ABCE1: variants seen among roughly 807,000 people sequenced by gnomAD.
The protein encoded by ABCE1 is ATP-binding cassette sub-family E member 1.
ABCE1 carries 22 observed loss-of-function variants against 83.4 expected under a neutral mutation model. That is an observed-to-expected ratio of 0.26 (90% confidence interval 0.19 to 0.38). The LOEUF is 0.38. Among genes scored for constraint, ABCE1 ranks in the 10% least tolerant of loss-of-function variants. The probability of loss-of-function intolerance (pLI) is 1.00; values close to 1 mark genes in which losing one functional copy is unlikely to be tolerated. For missense variants in ABCE1, 330 were observed against 721.9 expected (o/e 0.46, Z 6.22); for synonymous variants, 204 against 233.7 (o/e 0.87, Z 1.16).
Position 145,108,166 on chromosome 4 carries a change from T to G in ABCE1, c.287+54T>G. On this transcript the variant is annotated intron_variant, in intron 4 of 17. Coordinates refer to ENST00000296577, the MANE Select transcript of ABCE1 (RefSeq NM_002940.3). The stretch of plus-strand genomic sequence containing the variant: ...TGTCAAGTTAAGAGTAAAATACATT[T>G]GGGATTTTAAGAGAAGTGCAGAAAT... 8.5e-6 allele frequency: 13 copies of G among 1,521,942 alleles called. No homozygotes were observed. In the South Asian group the frequency reaches 1.3e-4, roughly 15 times the overall value. The allele number at this position is 1,521,942 out of a possible 1,614,324, so 94.3% of individuals were successfully genotyped here.
chr4:145,118,462 A>C (rs1046297734), intron 10 of ABCE1, among the ~76,000 whole-genome samples: 1 of 151,758 alleles, frequency 6.6e-6, no homozygotes, highest in Admixed American at 6.6e-5. Flanking sequence ...CTTTAAAGAA[A>C]AATTTGCAGT....
chr4:145,105,514 G>A, intron 2 of ABCE1, 91 bp from the exon 3 acceptor site: 1 of 834,968 alleles, frequency 1.2e-6, no homozygotes, highest in East Asian at 2.6e-5. Flanking sequence ...GCTTCTGTAT[G>A]GAAATTTAGA....
intron 16 of ABCE1, 157 bp downstream of exon 16, chr4:145,123,757 A>T (rs1373290170): frequency 7.8e-6 from 5 of 645,134 alleles, no homozygotes; most frequent in African/African-American, 1.8e-5. Flanking sequence ...GGATGGGACC[A>T]TGTGGAAGAG....
Position 145,121,340 on chromosome 4 carries a change from A to G in ABCE1, c.1212A>G (p.Val404=), listed in dbSNP as rs1749739197. 1 of 1,613,334 alleles carries G rather than the reference A, an allele frequency of 6.2e-7. No homozygotes were observed. The highest frequency in any genetic ancestry group is 8.5e-7 in the Non-Finnish European group (1 of 1,179,580). Residue 404 remains valine, a synonymous_variant, in exon 13 of 18, where the codon GTA becomes GTG. Coordinates refer to ENST00000296577, the MANE Select transcript of ABCE1 (RefSeq NM_002940.3). ...GRLKPDEGGE[V]PVLNVSYKPQ... is the part of the protein sequence containing the mutation. ...TATTTCATTATTTTGCAGGAGAAGT[A>G]CCAGTTCTAAATGTCAGTTATAAGC...
intron 9 of ABCE1, among the ~76,000 whole-genome samples, chr4:145,115,843 G>C (rs764116996): frequency 1.3e-5 from 2 of 151,830 alleles, no homozygotes; most frequent in African/African-American, 2.4e-5. Context: ...TTTTTTAGGT[G>C]TCTGTTAGTA....
intron 17 of ABCE1, 60 bp downstream of exon 17, chr4:145,125,161 G>A (rs1579224764): frequency 1.6e-6 from 2 of 1,262,452 alleles, no homozygotes; most frequent in East Asian, 4.7e-5. Context: ...CACTTGAAAG[G>A]CTATTTAAAA....
chr4:145,112,241 T>C lies in ABCE1; in HGVS notation c.713T>C (p.Phe238Ser). The change falls in exon 9 of 18, where the codon TTC becomes TCC. Residue 238 changes from phenylalanine (F) to serine (S), a missense_variant and splice_region_variant. Transcript: ENST00000296577. Reference protein sequence around the residue: ...AVVCIQKADIFMFDEPSSYLD... With the variant: ...AVVCIQKADISMFDEPSSYLD... ...CTTTTTTTTTTTTTTTTTCATAGTT[T>C]CATGTTTGATGAGCCTTCTAGTTAC... 6.5e-7 allele frequency: 1 copy of C among 1,545,362 alleles called. No individual in the cohort carries two copies. The highest frequency in any genetic ancestry group is 2.3e-5 in the East Asian group (1 of 44,164).
rs188607530 is a variant in ABCE1, at chr4:145,101,811, G to A, written c.-27-2575G>A. Among the ~76,000 whole-genome samples the A allele has an allele frequency of 7.9e-4, 120 of 152,318 alleles. 1 individual carries two copies. Among genetic ancestry groups the A allele is most frequent in the African/African-American group, 2.7e-3 (111 of 41,560 alleles). ...TGCTGAAATTTTGGTGAGGATATCA[G>A]GAGCTTAGTTGGGAGATTCCTCTTA... On this transcript the variant is annotated intron_variant, in intron 1 of 17. Coordinates refer to ENST00000296577, the MANE Select transcript of ABCE1 (RefSeq NM_002940.3).
chr4:145,102,890 G>GA (rs530866625), intron 1 of ABCE1, among the ~76,000 whole-genome samples: 142 of 152,226 alleles, frequency 9.3e-4, no homozygotes, highest in African/African-American at 3.2e-3. Flanking sequence ...GATGTAACCA[G>GA]AAAAAATGAA....
chr4:145,111,641 A>G (rs1423854913), intron 8 of ABCE1, among the ~76,000 whole-genome samples: 3 of 152,132 alleles, frequency 2.0e-5, no homozygotes, highest in African/African-American at 2.4e-5. Flanking sequence ...CCCTGTTTTT[A>G]TGTGAAAAGA....
chr4:145,102,215 A>C (rs1749170741), intron 1 of ABCE1, among the ~76,000 whole-genome samples: 1 of 152,204 alleles, frequency 6.6e-6, no homozygotes, highest in Admixed American at 6.5e-5. Flanking sequence ...GATGGCTCGA[A>C]AAGTTTTGAT....
chr4:145,121,878 A>T (rs1749756630), intron 13 of ABCE1: 2 of 152,348 alleles, frequency 1.3e-5, no homozygotes, highest in Admixed American at 1.3e-4. Context: ...TCTCAAAAAA[A>T]AATAAAAAAA....
chr4:145,117,512 T>C, intron 10 of ABCE1, 98 bp downstream of exon 10: 1 of 1,157,818 alleles, frequency 8.6e-7, no homozygotes, highest in Admixed American at 2.4e-5. Context: ...ATTGGTCTGA[T>C]ATCATCCAAA....
rs543768065 is a variant in ABCE1, at chr4:145,120,988, C to G, written c.1145-186C>G. Reference sequence around the variant, plus strand: ...ACTAGTCTTTATTCCTCTTAATTACCTTAGAATGACACTTCAGAGGTGAGC... The same window carrying G: ...ACTAGTCTTTATTCCTCTTAATTACGTTAGAATGACACTTCAGAGGTGAGC... On this transcript the variant is annotated intron_variant, in intron 11 of 17. Coordinates refer to ENST00000296577, the MANE Select transcript of ABCE1 (RefSeq NM_002940.3). 1.4e-5 allele frequency: 8 copies of G among 576,420 alleles called. No individual in the cohort carries two copies. The East Asian group carries it at 1.8e-4, about 13-fold the overall frequency. 35.7% of individuals were successfully genotyped at this position (576,420 alleles called of 1,614,324 possible). A position where few individuals can be genotyped will look rare whatever the true frequency, so the allele number is the denominator to read the frequency against.
intron 1 of ABCE1, among the ~76,000 whole-genome samples, chr4:145,102,948 T>C (rs1033664989): frequency 6.6e-6 from 1 of 152,084 alleles, no homozygotes; most frequent in African/African-American, 2.4e-5. Context: ...AGGGGTTAAA[T>C]GAGAGGACAG....
At chr4:145,125,143 A>G (rs2126715967) in intron 17 of ABCE1, 42 bp downstream of exon 17, 1 of 1,347,996 alleles carries the variant, frequency 7.4e-7, no homozygotes, top group Non-Finnish European at 1.1e-6. Context: ...TACTGATCTC[A>G]GTATAAACAC....
chr4:145,111,645 GAA>G (rs993607837), intron 8 of ABCE1, among the ~76,000 whole-genome samples: 1 of 152,078 alleles, frequency 6.6e-6, no homozygotes, highest in African/African-American at 2.4e-5. Flanking sequence ...GTTTTTATGT[GAA>G]AAGACTTAAG....
intron 10 of ABCE1, among the ~76,000 whole-genome samples, chr4:145,117,943 C>G (rs1749647778): frequency 6.6e-6 from 1 of 151,644 alleles, no homozygotes; most frequent in South Asian, 2.1e-4. Flanking sequence ...CTCTCCCTTC[C>G]ATGTCTCCTC....
In ABCE1 at chr4:145,117,334, A is replaced by C; in HGVS notation, c.842A>C (p.Tyr281Ser). 1.2e-6 allele frequency: 2 copies of C among 1,610,062 alleles called. No homozygotes were observed. Among genetic ancestry groups the C allele is most frequent in the Non-Finnish European group, 8.5e-7 (1 of 1,178,058 alleles). The change falls in exon 10 of 18, where the codon TAT (tyrosine) becomes TCT (serine). Residue 281 changes from tyrosine to serine, a missense_variant. Coordinates refer to ENST00000296577, the MANE Select transcript of ABCE1 (RefSeq NM_002940.3). ...GAACATGATCTAAGTGTATTAGACT[A>C]TCTCTCCGACTTCATCTGCTGTTTA... is the stretch of plus-strand genomic sequence containing the variant. Reference protein sequence around the residue: ...VVEHDLSVLDYLSDFICCLYG... With the variant: ...VVEHDLSVLDSLSDFICCLYG...
Sources: gnomAD v4.1 joint callset for allele counts (sites outside exome capture counted in the v4.1 genomes callset) on GRCh38, gnomAD v4.1.1 for gene constraint, MANE v1.5 for transcripts, NCBI Gene and HGNC (gene_info 2026-07-23, HGNC 2026-07-21) for gene names.